The following EVI5 variants were observed in gnomAD, a reference collection of about 807,000 sequenced individuals.
The protein encoded by EVI5 is ecotropic viral integration site 5, also known as ecotropic viral integration site 5 protein homolog.
A neutral mutation model predicts 112.0 loss-of-function variants in EVI5; 73 were observed. The ratio of observed to expected loss-of-function variants is 0.65; its 90% CI spans 0.54 to 0.79. The LOEUF is 0.79. Among genes scored for constraint, EVI5 ranks in the 30% least tolerant of loss-of-function variants. The probability of loss-of-function intolerance (pLI) is 0.00; values close to 1 mark genes in which losing one functional copy is unlikely to be tolerated. For synonymous variants in EVI5, 305 were observed against 319.9 expected (o/e 0.95, Z 0.50); for missense variants, 900 against 968.8 (o/e 0.93, Z 0.94).
intron 19 of EVI5, among the ~76,000 whole-genome samples, chr1:92,553,230 A>C (rs1667205298): frequency 1.3e-5 from 2 of 151,740 alleles, no homozygotes; most frequent in African/African-American, 4.8e-5. Context: ...TCCCAGGCTC[A>C]AGAGATCTTC....
At chr1:92,761,848 T>TC (rs1289003426) in intron 1 of EVI5, among the ~76,000 whole-genome samples, 1 of 152,244 alleles carries the variant, frequency 6.6e-6, no homozygotes, top group Non-Finnish European at 1.5e-5. Flanking sequence ...GTAATACCTA[T>TC]CTTCAATCTT....
chr1:92,763,498 C>T (rs1175627749), intron 1 of EVI5, among the ~76,000 whole-genome samples: 1 of 151,914 alleles, frequency 6.6e-6, no homozygotes, highest in African/African-American at 2.4e-5. Context: ...GCCTGTAGTC[C>T]CAGCTACTTG....
At chr1:92,668,182 C>A (rs1458158882) in intron 10 of EVI5, among the ~76,000 whole-genome samples, 1 of 152,140 alleles carries the variant, frequency 6.6e-6, no homozygotes, top group Admixed American at 6.5e-5. Flanking sequence ...AGAGTTATTA[C>A]AAAGATACTT....
intron 14 of EVI5, among the ~76,000 whole-genome samples, chr1:92,630,642 T>A (rs1656829973): frequency 6.6e-6 from 1 of 152,144 alleles, no homozygotes; most frequent in Admixed American, 6.5e-5. Flanking sequence ...GATGGTAGTT[T>A]CTTTTGCTGT....
intron 2 of EVI5, among the ~76,000 whole-genome samples, chr1:92,727,833 T>C (rs1345190225): frequency 2.6e-5 from 4 of 151,710 alleles, no homozygotes; most frequent in Middle Eastern, 3.2e-3. Flanking sequence ...CTGGGCAACA[T>C]AGTGGGACCC....
chr1:92,730,143 T>A (rs1676210960), intron 2 of EVI5, among the ~76,000 whole-genome samples: 1 of 152,184 alleles, frequency 6.6e-6, no homozygotes, highest in Middle Eastern at 3.4e-3. Flanking sequence ...GGCAGGAGGA[T>A]CACTTGAGCC....
chr1:92,589,087 C>T (rs991129166), intron 18 of EVI5, among the ~76,000 whole-genome samples: 6 of 152,194 alleles, frequency 3.9e-5, no homozygotes, highest in Non-Finnish European at 8.8e-5. Flanking sequence ...ATGGCATTAA[C>T]AGGGAATGCT....
intron 19 of EVI5, among the ~76,000 whole-genome samples, chr1:92,551,724 T>C (rs1666972034): frequency 6.6e-6 from 1 of 152,212 alleles, no homozygotes; most frequent in Non-Finnish European, 1.5e-5. Flanking sequence ...TTCCTGGGAA[T>C]GCTAAAAGAA....
intron 9 of EVI5, among the ~76,000 whole-genome samples, chr1:92,686,717 G>A (rs1423570553): frequency 5.3e-5 from 8 of 152,284 alleles, no homozygotes; most frequent in East Asian, 1.9e-4. Flanking sequence ...CAAAATCAAT[G>A]TGCAAAAATC....
intron 19 of EVI5, among the ~76,000 whole-genome samples, chr1:92,535,747 C>T (rs568774265): frequency 1.1e-4 from 16 of 151,430 alleles, no homozygotes; most frequent in African/African-American, 2.9e-4. Flanking sequence ...CATCACACAC[C>T]GGGGCCTGTC....
intron 1 of EVI5, among the ~76,000 whole-genome samples, chr1:92,758,843 C>CA (rs933948890): frequency 3.3e-4 from 45 of 137,562 alleles, no homozygotes; most frequent in South Asian, 2.1e-3. Context: ...ACCTACACAT[C>CA]AAAAAAAAAA....
intron 19 of EVI5, among the ~76,000 whole-genome samples, chr1:92,553,614 T>C (rs1667293457): frequency 6.6e-6 from 1 of 152,032 alleles, no homozygotes; most frequent in Admixed American, 6.6e-5. Context: ...TTTTGTATTT[T>C]TTTGGTAGAG....
At chr1:92,571,460 T>C (rs1289363889) in intron 18 of EVI5, among the ~76,000 whole-genome samples, 1 of 152,100 alleles carries the variant, frequency 6.6e-6, no homozygotes, top group Non-Finnish European at 1.5e-5. Flanking sequence ...AAATGCTATT[T>C]AATAAATTAA....
chr1:92,790,002 G>A (rs949270172), upstream of EVI5, among the ~76,000 whole-genome samples: 5 of 152,124 alleles, frequency 3.3e-5, no homozygotes, highest in African/African-American at 1.2e-4. Context: ...CTAGCAACAT[G>A]TGACTATTTA....
chr1:92,728,785 T>C (rs1311713960), intron 2 of EVI5, among the ~76,000 whole-genome samples: 1 of 152,206 alleles, frequency 6.6e-6, no homozygotes, highest in Non-Finnish European at 1.5e-5. Flanking sequence ...TTGTGTACCA[T>C]TCTGAGCAGC....
chr1:92,614,822 T>C (rs1319064715), intron 16 of EVI5, among the ~76,000 whole-genome samples: 5 of 116,252 alleles, frequency 4.3e-5, no homozygotes, highest in Admixed American at 2.1e-4. Flanking sequence ...ATAATATACA[T>C]GTATTTTATG....
chr1:92,615,460 G>A (rs1047556846), intron 16 of EVI5, among the ~76,000 whole-genome samples: 1 of 152,156 alleles, frequency 6.6e-6, no homozygotes, highest in African/African-American at 2.4e-5. Flanking sequence ...TTAAAGTGAG[G>A]GCATTGATTG....
intron 1 of EVI5, chr1:92,756,039 C>A: frequency 4.1e-6 from 1 of 245,192 alleles, no homozygotes. Context: ...ACATCTCTAT[C>A]TAGCAGCTGT....
chr1:92,766,066 C>T (rs938923630), intron 1 of EVI5, among the ~76,000 whole-genome samples: 1 of 149,688 alleles, frequency 6.7e-6, no homozygotes, highest in African/African-American at 2.5e-5. Flanking sequence ...CCACTCCACT[C>T]CAGGCTGGGT....
Sources: allele counts gnomAD v4.1 joint callset (sites outside exome capture counted in the v4.1 genomes callset), GRCh38; gene constraint gnomAD v4.1.1; transcripts MANE v1.5; gene names NCBI Gene and HGNC (gene_info 2026-07-23, HGNC 2026-07-21).